CCDC171: variants seen among roughly 807,000 people sequenced by gnomAD.
CCDC171 encodes coiled-coil domain-containing protein 171.
A neutral mutation model predicts 168.2 loss-of-function variants in CCDC171; 177 were observed. The ratio of observed to expected loss-of-function variants is 1.05; its 90% CI spans 0.93 to 1.19. CCDC171 has a LOEUF of 1.19. Ranked by LOEUF, CCDC171 falls within the 50% of genes most tolerant of loss-of-function variation. The pLI, the probability that CCDC171 is intolerant of heterozygous loss-of-function variation, is 0.00. For synonymous variants in CCDC171, 687 were observed against 540.8 expected (o/e 1.27, Z -3.75); for missense variants, 1,991 against 1,539.0 (o/e 1.29, Z -4.91).
chr9:15,839,301 G>A (rs941902548), intron 21 of CCDC171, among the ~76,000 whole-genome samples: 1 of 152,058 alleles, frequency 6.6e-6, no homozygotes, highest in Non-Finnish European at 1.5e-5. Flanking sequence ...ACTTTATGGA[G>A]TTTGATAAAT....
At chr9:15,953,920 G>T (rs910683445) in intron 25 of CCDC171, among the ~76,000 whole-genome samples, 1 of 151,828 alleles carries the variant, frequency 6.6e-6, no homozygotes, top group South Asian at 2.1e-4. Flanking sequence ...TATGTTTCTA[G>T]GGAATTGTCT....
intron 3 of CCDC171, among the ~76,000 whole-genome samples, chr9:16,009,659 G>A (rs1832808150): frequency 6.6e-6 from 1 of 152,132 alleles, no homozygotes; most frequent in Non-Finnish European, 1.5e-5. Context: ...AGTCAAATTG[G>A]TAGAAAATTG....
chr9:15,951,891 T>C (rs1036578586), intron 25 of CCDC171, among the ~76,000 whole-genome samples: 1 of 152,200 alleles, frequency 6.6e-6, no homozygotes, highest in African/African-American at 2.4e-5. Flanking sequence ...GTCTGTTTTT[T>C]TCTTTTGTTG....
intron 3 of CCDC171, among the ~76,000 whole-genome samples, chr9:15,985,703 A>C (rs1328040429): frequency 6.6e-6 from 1 of 152,164 alleles, no homozygotes; most frequent in Non-Finnish European, 1.5e-5. Context: ...ATAACTGACC[A>C]CCCAAAGATG....
intron 21 of CCDC171, among the ~76,000 whole-genome samples, chr9:15,808,421 G>A (rs1032182641): frequency 6.6e-6 from 1 of 152,140 alleles, no homozygotes; most frequent in African/African-American, 2.4e-5. Context: ...AGACAGAGGG[G>A]CAAGGGATGA....
intron 23 of CCDC171, among the ~76,000 whole-genome samples, chr9:15,856,026 T>C (rs1268602173): frequency 6.6e-6 from 1 of 151,988 alleles, no homozygotes; most frequent in Admixed American, 6.6e-5. Flanking sequence ...TATTTTTTCA[T>C]GTGAATTTGA....
chr9:15,953,176 C>G (rs963231550), intron 25 of CCDC171, among the ~76,000 whole-genome samples: 5 of 152,044 alleles, frequency 3.3e-5, no homozygotes, highest in African/African-American at 9.7e-5. Flanking sequence ...TTTTCTTTTT[C>G]TTGCCTAATT....
chr9:15,848,191 C>T (rs528657609), intron 22 of CCDC171, among the ~76,000 whole-genome samples: 8 of 152,000 alleles, frequency 5.3e-5, no homozygotes, highest in Non-Finnish European at 1.0e-4. Context: ...TCTGTGACCA[C>T]GGGCACATGT....
chr9:15,698,157 C>T (rs2051364668), intron 11 of CCDC171, among the ~76,000 whole-genome samples: 1 of 152,188 alleles, frequency 6.6e-6, no homozygotes, highest in East Asian at 1.9e-4. Context: ...CCATCCTCCA[C>T]ACTGCCACTA....
chr9:16,013,736 C>T (rs1344760614), intron 3 of CCDC171, among the ~76,000 whole-genome samples: 5 of 152,150 alleles, frequency 3.3e-5, no homozygotes, highest in African/African-American at 1.2e-4. Context: ...TTTTAATTTC[C>T]CAGTGCATAT....
chr9:15,711,096 A>G (rs949120122), intron 11 of CCDC171, among the ~76,000 whole-genome samples: 15 of 152,188 alleles, frequency 9.9e-5, no homozygotes, highest in Admixed American at 2.0e-4. Context: ...GTTCTAGTAT[A>G]GTAGACTCTA....
the CCDC171 span, among the ~76,000 whole-genome samples, chr9:16,090,119 A>T: frequency 6.6e-6 from 1 of 152,194 alleles, no homozygotes; most frequent in Non-Finnish European, 1.5e-5. Context: ...ACACATGCAC[A>T]CGTATGTTTA....
At chr9:15,901,112 G>A (rs545465638) in intron 24 of CCDC171, among the ~76,000 whole-genome samples, 1 of 152,110 alleles carries the variant, frequency 6.6e-6, no homozygotes, top group East Asian at 1.9e-4. Context: ...GATTTTTAAA[G>A]GTTTTAAGAG....
intron 25 of CCDC171, among the ~76,000 whole-genome samples, chr9:15,928,004 G>T (rs1015673981): frequency 1.3e-5 from 2 of 151,568 alleles, no homozygotes; most frequent in Non-Finnish European, 1.5e-5. Context: ...GTTGAGAGAG[G>T]CTATACAGTG....
intron 3 of CCDC171, among the ~76,000 whole-genome samples, chr9:15,573,131 G>T (rs2040365751): frequency 6.6e-6 from 1 of 151,892 alleles, no homozygotes; most frequent in Non-Finnish European, 1.5e-5. Context: ...CTGCACTCCA[G>T]CCTGGGCAAC....
At chr9:15,620,323 A>C (rs1298846084) in intron 6 of CCDC171, among the ~76,000 whole-genome samples, 3 of 152,222 alleles carry the variant, frequency 2.0e-5, no homozygotes, top group Admixed American at 2.0e-4. Context: ...ACCATTTGTG[A>C]TTCATGTGAG....
chr9:15,664,140 G>A (rs1323532062), intron 8 of CCDC171, among the ~76,000 whole-genome samples: 1 of 152,156 alleles, frequency 6.6e-6, no homozygotes, highest in Non-Finnish European at 1.5e-5. Flanking sequence ...GTTGAGGGAT[G>A]AGCTATTACT....
chr9:15,799,375 A>G (rs2058711604), intron 21 of CCDC171, among the ~76,000 whole-genome samples: 1 of 151,598 alleles, frequency 6.6e-6, no homozygotes, highest in South Asian at 2.1e-4. Context: ...TCTGACAAGA[A>G]ATACGTGTTC....
intron 21 of CCDC171, among the ~76,000 whole-genome samples, chr9:15,836,906 A>C (rs1286767974): frequency 6.6e-6 from 1 of 152,194 alleles, no homozygotes; most frequent in Non-Finnish European, 1.5e-5. Flanking sequence ...CAATAATAAA[A>C]TCTACTGCGG....
Sources: allele counts gnomAD v4.1 joint callset (sites outside exome capture counted in the v4.1 genomes callset), GRCh38; gene constraint gnomAD v4.1.1; transcripts MANE v1.5; gene names NCBI Gene and HGNC (gene_info 2026-07-23, HGNC 2026-07-21).